ARSB: variants seen among roughly 807,000 people sequenced by gnomAD.
ARSB encodes arylsulfatase B.
ARSB carries 41 observed loss-of-function variants against 50.9 expected under a neutral mutation model. The ratio of observed to expected loss-of-function variants is 0.81; its 90% CI spans 0.63 to 1.04. The LOEUF (loss-of-function observed/expected upper bound fraction) is 1.04. Ranked by LOEUF, ARSB falls within the 50% of genes least tolerant of loss-of-function variation. The probability of loss-of-function intolerance (pLI) is 0.00; values close to 1 mark genes in which losing one functional copy is unlikely to be tolerated. For missense variants in ARSB, 672 were observed against 693.3 expected, an observed-to-expected ratio of 0.97 and a Z score of 0.35; for synonymous variants, 269 against 284.8, an observed-to-expected ratio of 0.94 and a Z score of 0.56.
At chr5:78,900,020 C>T (rs1441157672) in intron 4 of ARSB, among the ~76,000 whole-genome samples, 2 of 152,082 alleles carry the variant, frequency 1.3e-5, no homozygotes, top group East Asian at 3.9e-4. Flanking sequence ...CTAGGTGGCG[C>T]TATAAGCCCA....
intron 1 of ARSB, among the ~76,000 whole-genome samples, chr5:78,982,268 A>G (rs906695252): frequency 1.3e-5 from 2 of 152,252 alleles, no homozygotes; most frequent in African/African-American, 2.4e-5. Context: ...ATTTTGAGAC[A>G]GTCAAAAAAT....
chr5:78,961,707 C>T (rs1275879734), intron 3 of ARSB, among the ~76,000 whole-genome samples: 1 of 152,054 alleles, frequency 6.6e-6, no homozygotes, highest in Non-Finnish European at 1.5e-5. Context: ...GGGCAGATTA[C>T]AGTTGTTGCA....
chr5:78,848,479 G>A (rs1427595792), intron 5 of ARSB, among the ~76,000 whole-genome samples: 2 of 151,208 alleles, frequency 1.3e-5, no homozygotes, highest in Non-Finnish European at 2.9e-5. Flanking sequence ...GGACGTTTGG[G>A]TTGGTTCCAA....
Position 78,985,069 on chromosome 5 carries a change from G to T in ARSB, c.180C>A (p.Val60=). ...LLADDLGWND[V]GFHGSRIRTP... Reference sequence around the variant, plus strand: ...TGCGGATGCGGGAGCCGTGGAAGCCGACGTCGTTCCAGCCTAGGTCGTCTG... The same window carrying T: ...TGCGGATGCGGGAGCCGTGGAAGCCTACGTCGTTCCAGCCTAGGTCGTCTG... Residue 60 remains valine (V), a synonymous_variant, in exon 1 of 8, where the codon GTC becomes GTA. Transcript: ENST00000264914. 1.9e-6 allele frequency: 3 copies of T among 1,543,836 alleles called. No individual in the cohort carries two copies. Among genetic ancestry groups the T allele is most frequent in the Non-Finnish European group, 1.7e-6 (2 of 1,147,148 alleles).
intron 5 of ARSB, among the ~76,000 whole-genome samples, chr5:78,850,797 C>T (rs183691402): frequency 1.2e-3 from 178 of 151,970 alleles, no homozygotes; most frequent in African/African-American, 4.0e-3. Flanking sequence ...GGAGGGTGTA[C>T]GTATCCAGTA....
intron 2 of ARSB, among the ~76,000 whole-genome samples, chr5:78,967,637 C>G (rs1752261478): frequency 2.0e-5 from 3 of 150,490 alleles, no homozygotes; most frequent in Admixed American, 1.3e-4. Context: ...CATGACACAG[C>G]ACTCCAGCCT....
intron 5 of ARSB, among the ~76,000 whole-genome samples, chr5:78,873,309 G>C (rs1747315054): frequency 6.6e-6 from 1 of 151,846 alleles, no homozygotes; most frequent in South Asian, 2.1e-4. Flanking sequence ...CTATGTGAAA[G>C]CGTGTAGAGA....
At chr5:78,808,016 C>T (rs940391844) in intron 6 of ARSB, among the ~76,000 whole-genome samples, 2 of 141,468 alleles carry the variant, frequency 1.4e-5, no homozygotes, top group African/African-American at 5.5e-5. Flanking sequence ...TGGCGTGAAC[C>T]CGGGAGGCGG....
chr5:78,912,113 T>G (rs775923311), intron 4 of ARSB, among the ~76,000 whole-genome samples: 10 of 152,202 alleles, frequency 6.6e-5, no homozygotes, highest in African/African-American at 2.4e-4. Context: ...ATTCTGAAAC[T>G]ACCTCTAATG....
At chr5:78,954,287 C>G (rs1048694126) in intron 4 of ARSB, among the ~76,000 whole-genome samples, 3 of 146,144 alleles carry the variant, frequency 2.1e-5, no homozygotes, top group South Asian at 4.3e-4. Context: ...GAGTACTCAG[C>G]ATGATGAATA....
chr5:78,954,646 A>G (rs1751636952), intron 4 of ARSB, among the ~76,000 whole-genome samples: 2 of 152,092 alleles, frequency 1.3e-5, no homozygotes, highest in African/African-American at 4.8e-5. Context: ...CTGGGACTAC[A>G]TGCACTCGCC....
intron 6 of ARSB, among the ~76,000 whole-genome samples, chr5:78,790,942 G>T (rs537870118): frequency 6.6e-6 from 1 of 152,338 alleles, no homozygotes; most frequent in African/African-American, 2.4e-5. Context: ...TTTATGTGTA[G>T]AAGCTGTAAT....
At chr5:78,787,015 G>T (rs749479782) in intron 6 of ARSB, among the ~76,000 whole-genome samples, 2 of 151,994 alleles carry the variant, frequency 1.3e-5, no homozygotes, top group South Asian at 2.1e-4. Context: ...AAACCCAATT[G>T]ACCATAAGCA....
chr5:78,963,313 A>T (rs1752076431), intron 3 of ARSB, among the ~76,000 whole-genome samples: 1 of 152,210 alleles, frequency 6.6e-6, no homozygotes, highest in Non-Finnish European at 1.5e-5. Context: ...CAGCACCACG[A>T]GCCAAATAAA....
Position 78,984,921 on chromosome 5 carries a change from CG to C in ARSB, c.312+15del, listed in dbSNP as rs527878035. ...GGCGGGGCGGGGGCGGCGCGGGCGG[CG>C]GGGGCGCCGCGTACCTGGTAGCGGC... On this transcript the variant is annotated intron_variant, in intron 1 of 7. Transcript: ENST00000264914. The C allele has an allele frequency of 1.5e-5, 20 of 1,321,284 alleles. No homozygotes were observed. The East Asian group carries it at 4.4e-4, about 29-fold the overall frequency. The allele number at this position is 1,321,284 out of a possible 1,614,324, so 81.8% of individuals were successfully genotyped here.
At chr5:78,802,112 T>C (rs913253422) in intron 6 of ARSB, among the ~76,000 whole-genome samples, 3 of 152,060 alleles carry the variant, frequency 2.0e-5, no homozygotes, top group Non-Finnish European at 4.4e-5. Context: ...CAAAGGTCTT[T>C]GTGTTAGCTC....
At chr5:78,811,033 T>C (rs909600381) in intron 6 of ARSB, among the ~76,000 whole-genome samples, 2 of 152,190 alleles carry the variant, frequency 1.3e-5, no homozygotes, top group Non-Finnish European at 2.9e-5. Context: ...TCCAGAGCTG[T>C]AGGTGTGATG....
At chr5:78,949,707 C>G (rs1043717665) in intron 4 of ARSB, among the ~76,000 whole-genome samples, 1 of 152,104 alleles carries the variant, frequency 6.6e-6, no homozygotes, top group South Asian at 2.1e-4. Flanking sequence ...CTCAGGAGTT[C>G]GAGACCAGTC....
intron 5 of ARSB, among the ~76,000 whole-genome samples, chr5:78,854,550 CTTG>C (rs1333085123): frequency 2.0e-5 from 3 of 152,214 alleles, no homozygotes; most frequent in African/African-American, 7.2e-5. Context: ...AAAAGTTCCT[CTTG>C]TTATTGATTT....
Sources: gnomAD v4.1 joint callset for allele counts (sites outside exome capture counted in the v4.1 genomes callset) on GRCh38, gnomAD v4.1.1 for gene constraint, MANE v1.5 for transcripts, NCBI Gene and HGNC (gene_info 2026-07-23, HGNC 2026-07-21) for gene names.